ELMO1: variants seen among roughly 807,000 people sequenced by gnomAD.
ELMO1 encodes the protein engulfment and cell motility 1, also known as engulfment and cell motility protein 1.
Under a neutral mutation model 98.9 loss-of-function variants are expected in ELMO1, and 26 were observed. That is an observed-to-expected ratio of 0.26 (90% CI 0.19 to 0.36). The LOEUF (loss-of-function observed/expected upper bound fraction) is 0.36, where lower values mean the gene tolerates loss of function less well. ELMO1 is among the 10% of genes least tolerant of loss of function. The pLI, the probability that ELMO1 is intolerant of heterozygous loss-of-function variation, is 1.00. For synonymous variants in ELMO1, 346 were observed against 346.0 expected (o/e 1.00, Z 0.00); for missense variants, 627 against 935.2 (o/e 0.67, Z 4.30).
Position 36,894,920 on chromosome 7 carries a change from G to A in ELMO1, c.1535C>T (p.Thr512Ile). 1 of 1,614,164 alleles carries A rather than the reference G, an allele frequency of 6.2e-7. No homozygotes were observed. The highest frequency in any genetic ancestry group is 8.5e-7 in the Non-Finnish European group (1 of 1,179,994). The change falls in exon 17 of 22, where the codon ACT (threonine) becomes ATT (isoleucine). Residue 512 changes from threonine to isoleucine, a missense_variant. Thr to Ile is a moderately conservative substitution (Grantham distance 89). Around this residue, in one of 3 missense-constraint regions of ELMO1, gnomAD observed 492 missense variants for 715.6 expected, o/e 0.69. Coordinates refer to ENST00000310758, the MANE Select transcript of ELMO1 (RefSeq NM_014800.11). The stretch of plus-strand genomic sequence containing the variant: ...GGACTGGCGGATTTTCAGGATCTCA[G>A]TGTAGCTCAGGTTCTGCAGTTTGCT... The part of the protein sequence containing the change: ...FKSKLQNLSY[T>I]EILKIRQSER...
intron 15 of ELMO1, among the ~76,000 whole-genome samples, chr7:37,042,223 AAAAAG>A (rs1217284221): frequency 2.6e-5 from 4 of 152,042 alleles, no homozygotes; most frequent in African/African-American, 7.2e-5. Flanking sequence ...AAAAAAAAAA[AAAAAG>A]AAGAGAGAGA....
intron 16 of ELMO1, among the ~76,000 whole-genome samples, chr7:36,959,051 A>C (rs1788712147): frequency 6.6e-6 from 1 of 151,936 alleles, no homozygotes; most frequent in Admixed American, 6.6e-5. Flanking sequence ...CCCCATCTCT[A>C]TGAGTGGTGC....
At chr7:37,022,450 A>G (rs2129180207) in intron 15 of ELMO1, among the ~76,000 whole-genome samples, 1 of 152,364 alleles carries the variant, frequency 6.6e-6, no homozygotes, top group African/African-American at 2.4e-5. Flanking sequence ...AATAGGACAT[A>G]TAAGTGGCCA....
chr7:37,371,271 T>C (rs1427374000), intron 1 of ELMO1, among the ~76,000 whole-genome samples: 1 of 152,182 alleles, frequency 6.6e-6, no homozygotes, highest in Non-Finnish European at 1.5e-5. Flanking sequence ...GAGCAATCTT[T>C]ACTTGAGTTA....
chr7:37,364,921 G>T (rs1437001504), intron 1 of ELMO1, among the ~76,000 whole-genome samples: 1 of 152,200 alleles, frequency 6.6e-6, no homozygotes, highest in East Asian at 1.9e-4. Context: ...CCTGGATGAT[G>T]TCTAAAATGC....
chr7:36,939,208 G>T (rs892872821), intron 16 of ELMO1, among the ~76,000 whole-genome samples: 1 of 149,098 alleles, frequency 6.7e-6, no homozygotes, highest in Non-Finnish European at 1.5e-5. Flanking sequence ...GCATACAAAG[G>T]CCAAAGACTT....
At chr7:37,062,011 A>G (rs1350976364) in intron 15 of ELMO1, among the ~76,000 whole-genome samples, 3 of 152,222 alleles carry the variant, frequency 2.0e-5, no homozygotes, top group African/African-American at 7.2e-5. Context: ...AGTGTTCAGC[A>G]TTCAACCTGC....
intron 8 of ELMO1, among the ~76,000 whole-genome samples, chr7:37,232,797 G>C (rs558629743): frequency 1.3e-5 from 2 of 152,294 alleles, no homozygotes; most frequent in East Asian, 3.9e-4. Flanking sequence ...TTTAGGTCTT[G>C]AAACCAACAG....
intron 15 of ELMO1, among the ~76,000 whole-genome samples, chr7:37,076,600 T>A (rs1161462532): frequency 6.6e-6 from 1 of 152,160 alleles, no homozygotes; most frequent in African/African-American, 2.4e-5. Context: ...GTTCAGTAAG[T>A]GTTATTGGCT....
chr7:37,326,571 AAAT>A (rs1478452604), intron 2 of ELMO1, among the ~76,000 whole-genome samples: 14 of 151,818 alleles, frequency 9.2e-5, no homozygotes, highest in African/African-American at 3.4e-4. Context: ...AAAAAAAAAA[AAAT>A]GAAAGATGAT....
At chr7:36,893,189 A>T (rs1805705914) in intron 17 of ELMO1, among the ~76,000 whole-genome samples, 1 of 152,238 alleles carries the variant, frequency 6.6e-6, no homozygotes, top group Admixed American at 6.5e-5. Flanking sequence ...AAGCATAATA[A>T]AGTGTCCTAC....
chr7:37,194,723 C>T (rs577806330), intron 13 of ELMO1, among the ~76,000 whole-genome samples: 3 of 152,314 alleles, frequency 2.0e-5, no homozygotes, highest in South Asian at 4.1e-4. Flanking sequence ...TGTCCAAATG[C>T]TCCCTATTCT....
At chr7:37,170,026 C>T (rs1455973145) in intron 13 of ELMO1, among the ~76,000 whole-genome samples, 1 of 152,044 alleles carries the variant, frequency 6.6e-6, no homozygotes, top group Non-Finnish European at 1.5e-5. Context: ...CTCAGCCTCC[C>T]GAGTAGCTGC....
chr7:36,919,512 T>C lies in ELMO1; in HGVS notation c.1438-24495A>G, dbSNP rs1286817153. On this transcript the variant is annotated intron_variant, in intron 16 of 21. Coordinates refer to ENST00000310758, the MANE Select transcript of ELMO1 (RefSeq NM_014800.11). ...CTGGTTCTCTCACTTATGGGCTAAG[T>C]CTCTTCATCTGTAAAATGGGATAAT... 7.1e-6 allele frequency: 3 copies of C among 421,494 alleles called. No homozygotes were observed. In the Admixed American group the frequency reaches 7.7e-5, roughly 11 times the overall value. The allele number at this position is 421,494 out of a possible 1,614,324, so 26.1% of individuals were successfully genotyped here.
At chr7:37,383,555 A>G in intron 1 of ELMO1, among the ~76,000 whole-genome samples, 1 of 152,240 alleles carries the variant, frequency 6.6e-6, no homozygotes, top group Non-Finnish European at 1.5e-5. Context: ...ATTTCAAAAC[A>G]TTTCATAAAT....
intron 1 of ELMO1, among the ~76,000 whole-genome samples, chr7:37,395,367 CAAAAAAAAAAAA>C (rs59452486): frequency 1.5e-5 from 1 of 66,190 alleles, no homozygotes; most frequent in Non-Finnish European, 2.7e-5. Flanking sequence ...AACTCCATCT[CAAAAAAAAAAAA>C]AAAAAAAAAA....
rs35665315 is a variant in ELMO1, at chr7:37,005,107, CAAAAAAAAAAAAA to C, written c.1437+8179_1437+8191del. On this transcript the variant is annotated intron_variant, in intron 16 of 21. Coordinates refer to ENST00000310758, the MANE Select transcript of ELMO1 (RefSeq NM_014800.11). ...CTGGCAACAGAGCAAGGCTCTGTCT[CAAAAAAAAAAAAA>C]AAAAAAAAAAAAGAAAAAAAGAAAA... is the stretch of plus-strand genomic sequence containing the variant. Among the ~76,000 whole-genome samples the C allele has an allele frequency of 9.5e-3, 364 of 38,302 alleles. 3 individuals carry two copies. Among genetic ancestry groups the C allele is most frequent in the African/African-American group, 0.025 (348 of 14,072 alleles). 25.1% of individuals were successfully genotyped at this position (38,302 alleles called of 152,430 possible).
intron 15 of ELMO1, among the ~76,000 whole-genome samples, chr7:37,057,646 AGAG>A (rs934077093): frequency 1.3e-5 from 2 of 152,206 alleles, no homozygotes; most frequent in African/African-American, 4.8e-5. Flanking sequence ...CATCATTAGT[AGAG>A]GAGAAGCTAG....
At position 37,292,104 on chromosome 7, in the gene ELMO1, C is replaced by G. The variant is rs559661731; in HGVS notation, c.193-20222G>C. Among the ~76,000 whole-genome samples, 52 of 125,690 alleles carry G rather than the reference C, an allele frequency of 4.1e-4. 2 individuals are homozygous for G. The highest frequency in any genetic ancestry group is 1.1e-3 in the African/African-American group (42 of 38,254). The allele number at this position is 125,690 out of a possible 152,430, so 82.5% of individuals were successfully genotyped here. ...CTGCGATTGCAGGCGCGCACCGCCA[C>G]GCCTGACTGGTTTTCGTATTTTTTT... On this transcript the variant is annotated intron_variant, in intron 4 of 21. Transcript: ENST00000310758.
Sources: gnomAD v4.1 joint callset for allele counts (sites outside exome capture counted in the v4.1 genomes callset) on GRCh38, gnomAD v4.1.1 for gene constraint, gnomAD v4.1.1 regional missense constraint, MANE v1.5 for transcripts, NCBI Gene and HGNC (gene_info 2026-07-23, HGNC 2026-07-21) for gene names.